IL1RAPL1: variants seen among roughly 807,000 people sequenced by gnomAD.
IL1RAPL1 encodes the protein interleukin 1 receptor accessory protein like 1.
IL1RAPL1 carries 3 observed loss-of-function variants against 48.4 expected under a neutral mutation model. The observed-to-expected ratio is 0.06, with a 90% CI of 0.03 to 0.16. IL1RAPL1 has a LOEUF of 0.16. Ranked by LOEUF, IL1RAPL1 falls within the 10% of genes least tolerant of loss-of-function variation. IL1RAPL1 has a pLI of 1.00. For synonymous variants in IL1RAPL1, 185 were observed against 187.7 expected (o/e 0.99, Z 0.12); for missense variants, 349 against 530.6 (o/e 0.66, Z 3.36).
intron 5 of IL1RAPL1, among the ~76,000 whole-genome samples, chrX:29,579,002 A>T (rs997507982): frequency 1.1e-4 from 12 of 111,426 alleles, no homozygotes; most frequent in African/African-American, 2.9e-4. Context: ...TTATTTCAGG[A>T]TGGACTGGCT....
intron 6 of IL1RAPL1, among the ~76,000 whole-genome samples, chrX:29,822,969 G>A (rs1049287634): frequency 5.4e-5 from 6 of 111,618 alleles, no homozygotes; most frequent in Admixed American, 1.9e-4. Flanking sequence ...GTGGCCAAAG[G>A]CACAGCTTCA....
chrX:29,412,229 C>A (rs1205461885), intron 5 of IL1RAPL1, among the ~76,000 whole-genome samples: 3 of 110,461 alleles, frequency 2.7e-5, no homozygotes, highest in African/African-American at 9.9e-5. Context: ...CGAGATCAAA[C>A]CACTGTGCTT....
intron 2 of IL1RAPL1, among the ~76,000 whole-genome samples, chrX:28,876,314 C>T (rs1922370370): frequency 1.8e-5 from 2 of 111,798 alleles, no homozygotes; most frequent in African/African-American, 6.5e-5. Flanking sequence ...ATGCTGTCGT[C>T]CAGAAGTGAT....
In IL1RAPL1 at chrX:29,591,942, G is replaced by A. The variant is rs770126799; in HGVS notation, c.704-76488G>A. Among the ~76,000 whole-genome samples the A allele has an allele frequency of 8.9e-5, 10 of 112,025 alleles. No homozygotes were observed. In the East Asian group the frequency reaches 2.5e-3, roughly 28 times the overall value. Reference sequence around the variant, plus strand: ...ATCCTCTGACCTGCTATTGAATCTGGCTGGGCAGCCTCTGGCCAGCTGTCT... The same window carrying A: ...ATCCTCTGACCTGCTATTGAATCTGACTGGGCAGCCTCTGGCCAGCTGTCT... On this transcript the variant is annotated intron_variant, in intron 5 of 10. Coordinates refer to ENST00000378993, the MANE Select transcript of IL1RAPL1 (RefSeq NM_014271.4).
At chrX:29,134,853 C>G (rs1302300283) in intron 2 of IL1RAPL1, among the ~76,000 whole-genome samples, 1 of 111,477 alleles carries the variant, frequency 9.0e-6, no homozygotes, top group Non-Finnish European at 1.9e-5. Flanking sequence ...ATATACTGGA[C>G]TAACGTATAC....
intron 1 of IL1RAPL1, among the ~76,000 whole-genome samples, chrX:28,733,918 C>T (rs1435563616): frequency 1.8e-5 from 2 of 111,727 alleles, no homozygotes; most frequent in Non-Finnish European, 3.8e-5. Flanking sequence ...AGCCAATATC[C>T]TCCTCAGAAC....
chrX:29,483,960 T>C (rs1460061717), intron 5 of IL1RAPL1, among the ~76,000 whole-genome samples: 1 of 103,711 alleles, frequency 9.6e-6, no homozygotes, highest in Non-Finnish European at 1.9e-5. Context: ...CCCAAAGTGA[T>C]AGTACTGCAG....
At chrX:29,918,145 ATATATATATAT>A (rs1341149869) in intron 7 of IL1RAPL1, among the ~76,000 whole-genome samples, 1 of 15,292 alleles carries the variant, frequency 6.5e-5, no homozygotes, top group Non-Finnish European at 1.1e-4. Flanking sequence ...AAAAAAAAAA[ATATATATATAT>A]ATATATATAT....
chrX:28,799,275 A>G (rs1271395402), intron 2 of IL1RAPL1, among the ~76,000 whole-genome samples: 2 of 112,498 alleles, frequency 1.8e-5, no homozygotes, highest in Non-Finnish European at 3.8e-5. Context: ...TGTGACTAAG[A>G]TGAAGCCCCA....
intron 1 of IL1RAPL1, among the ~76,000 whole-genome samples, chrX:28,600,359 C>G (rs1473418262): frequency 9.0e-6 from 1 of 110,631 alleles, no homozygotes; most frequent in Non-Finnish European, 1.9e-5. Flanking sequence ...CCACAAATAT[C>G]TAATGAGCAC....
Position 29,302,555 on chromosome X carries a change from T to C in IL1RAPL1, c.362+19338T>C, listed in dbSNP as rs144836293. On this transcript the variant is annotated intron_variant, in intron 3 of 10. Transcript: ENST00000378993. The stretch of plus-strand genomic sequence containing the variant: ...ATATTCTTCTAATTGTCCACGACTA[T>C]AGTAAAGTTCCCATGACTTGGGTCA... 1.5e-4 allele frequency among the ~76,000 whole-genome samples: 17 copies of C among 112,258 alleles called. No individual in the cohort carries two copies. In the East Asian group the frequency reaches 4.2e-3, roughly 28 times the overall value.
intron 3 of IL1RAPL1, among the ~76,000 whole-genome samples, chrX:29,315,482 G>A (rs1014763688): frequency 5.4e-5 from 6 of 111,285 alleles, no homozygotes; most frequent in Non-Finnish European, 9.4e-5. Context: ...AATTGATCTG[G>A]GATGGAGCCT....
At chrX:29,144,700 C>G (rs189091481) in intron 2 of IL1RAPL1, among the ~76,000 whole-genome samples, 113 of 105,416 alleles carry the variant, frequency 1.1e-3, no homozygotes, top group African/African-American at 3.7e-3. Context: ...ATTGATGAGA[C>G]TGGCCAGAGG....
chrX:28,980,126 T>C (rs2147374065), intron 2 of IL1RAPL1, among the ~76,000 whole-genome samples: 1 of 112,519 alleles, frequency 8.9e-6, no homozygotes, highest in Non-Finnish European at 1.9e-5. Context: ...TCATCTTGAC[T>C]CTCAGGAGAG....
chrX:29,296,123 C>G (rs916019748), intron 3 of IL1RAPL1, among the ~76,000 whole-genome samples: 1 of 111,970 alleles, frequency 8.9e-6, no homozygotes, highest in African/African-American at 3.2e-5. Flanking sequence ...TCAGCCTGAT[C>G]CCACAGGGAG....
intron 5 of IL1RAPL1, among the ~76,000 whole-genome samples, chrX:29,414,586 T>A (rs1209665197): frequency 9.0e-6 from 1 of 110,979 alleles, no homozygotes; most frequent in African/African-American, 3.3e-5. Flanking sequence ...CTGGGCATGG[T>A]GGTGCATGTC....
chrX:29,681,811 C>G (rs1385220413), intron 6 of IL1RAPL1, among the ~76,000 whole-genome samples: 1 of 111,051 alleles, frequency 9.0e-6, no homozygotes, highest in East Asian at 2.8e-4. Context: ...AGTAGAAATC[C>G]TATAACAGGC....
intron 6 of IL1RAPL1, among the ~76,000 whole-genome samples, chrX:29,782,591 ACAGT>A (rs1929372626): frequency 9.0e-6 from 1 of 111,608 alleles, no homozygotes; most frequent in African/African-American, 3.3e-5. Flanking sequence ...AGGCTATAAG[ACAGT>A]CAGGTACACA....
At chrX:29,096,342 A>C (rs1250248129) in intron 2 of IL1RAPL1, among the ~76,000 whole-genome samples, 1 of 112,144 alleles carries the variant, frequency 8.9e-6, no homozygotes, top group Non-Finnish European at 1.9e-5. Flanking sequence ...TGCTGTAGCC[A>C]ATATAGCTAT....
Sources: allele counts gnomAD v4.1 joint callset (sites outside exome capture counted in the v4.1 genomes callset), GRCh38; gene constraint gnomAD v4.1.1; transcripts MANE v1.5; gene names NCBI Gene and HGNC (gene_info 2026-07-23, HGNC 2026-07-21).